The following USP10 variants were observed in gnomAD, a reference collection of about 807,000 sequenced individuals.
USP10 encodes the protein ubiquitin carboxyl-terminal hydrolase 10.
A neutral mutation model predicts 84.5 loss-of-function variants in USP10; 22 were observed. That is an observed-to-expected ratio of 0.26 (90% CI 0.19 to 0.37). USP10 has a LOEUF of 0.37. Ranked by LOEUF, USP10 falls within the 10% of genes least tolerant of loss-of-function variation. The probability of loss-of-function intolerance (pLI) is 1.00; values close to 1 mark genes in which losing one functional copy is unlikely to be tolerated. For missense variants in USP10, 1,019 were observed against 998.9 expected, an observed-to-expected ratio of 1.02 and a Z score of -0.27; for synonymous variants, 454 against 387.6, an observed-to-expected ratio of 1.17 and a Z score of -2.01.
intron 4 of USP10, among the ~76,000 whole-genome samples, chr16:84,755,222 C>G (rs1912393479): frequency 6.6e-6 from 1 of 151,624 alleles, no homozygotes; most frequent in Non-Finnish European, 1.5e-5. Flanking sequence ...TGAACATGTT[C>G]AAGCCCCGTC....
chr16:84,717,142 T>C (rs1907136422), intron 1 of USP10, among the ~76,000 whole-genome samples: 2 of 152,206 alleles, frequency 1.3e-5, no homozygotes, highest in African/African-American at 4.8e-5. Flanking sequence ...CCTAGGCTGC[T>C]GGCCTGGTGA....
chr16:84,752,172 C>A (rs1912007828), intron 4 of USP10, among the ~76,000 whole-genome samples: 1 of 152,194 alleles, frequency 6.6e-6, no homozygotes, highest in Non-Finnish European at 1.5e-5. Flanking sequence ...ATGAGTCATT[C>A]TGGCATTTTG....
Position 84,768,255 on chromosome 16 carries a change from A to C in USP10, c.1895A>C (p.Gln632Pro). The C allele has an allele frequency of 5.0e-6, 8 of 1,605,286 alleles. No homozygotes were observed. Among genetic ancestry groups the C allele is most frequent in the Non-Finnish European group, 6.8e-6 (8 of 1,175,400 alleles). ...ACTTTGCAGCCATTTTTCACGTTGC[A>C]GTTGGATATCCAGTCAGACAAGATA... ...SATLQPFFTLQLDIQSDKIRT... is the reference protein window; with the variant it reads ...SATLQPFFTLPLDIQSDKIRT... The change falls in exon 11 of 14, where the codon CAG (glutamine) becomes CCG (proline). Residue 632 changes from glutamine (Q) to proline (P), a missense_variant. By Grantham distance (76) the Gln-to-Pro change is moderately conservative. This residue lies in a region of USP10 where 232 missense variants were observed against 290.1 expected (regional missense o/e 0.80). Coordinates refer to ENST00000219473, the MANE Select transcript of USP10 (RefSeq NM_005153.3).
chr16:84,704,988 C>T lies in USP10; in HGVS notation c.21+4877C>T, dbSNP rs937264199. Reference sequence around the variant, plus strand: ...GGAGTGCGGGCCCAGCACCTGCTACCGTCTGCGCTGTAATGGTGGCTGCTC... The same window carrying T: ...GGAGTGCGGGCCCAGCACCTGCTACTGTCTGCGCTGTAATGGTGGCTGCTC... On this transcript the variant is annotated intron_variant, in intron 1 of 13. Coordinates refer to ENST00000219473, the MANE Select transcript of USP10 (RefSeq NM_005153.3). The T allele has an allele frequency of 4.3e-5, 58 of 1,342,814 alleles. 1 individual carries two copies. The African/African-American group carries it at 6.1e-4, about 14-fold the overall frequency. The allele number at this position is 1,342,814 out of a possible 1,614,324, so 83.2% of individuals were successfully genotyped here. A position where few individuals can be genotyped will look rare whatever the true frequency, so the allele number is the denominator to read the frequency against.
At chr16:84,748,984 A>G (rs1911581315) in intron 4 of USP10, among the ~76,000 whole-genome samples, 1 of 152,220 alleles carries the variant, frequency 6.6e-6, no homozygotes, top group Admixed American at 6.5e-5. Flanking sequence ...TTTTCTGAGC[A>G]AAAGTGTAGT....
chr16:84,757,402 G>GGGTGTGTGTGTGTGT lies in USP10; in HGVS notation c.1193-1313_1193-1312insGTGTGTGTGTGTGTG, dbSNP rs1912701298. 3.6e-5 allele frequency among the ~76,000 whole-genome samples: 3 copies of GGGTGTGTGTGTGTGT among 82,810 alleles called. No individual in the cohort carries two copies. The East Asian group carries it at 8.1e-4, about 22-fold the overall frequency. 54.3% of individuals were successfully genotyped at this position (82,810 alleles called of 152,430 possible). A position where few individuals can be genotyped will look rare whatever the true frequency, so the allele number is the denominator to read the frequency against. On this transcript the variant is annotated intron_variant, in intron 4 of 13. Coordinates refer to ENST00000219473, the MANE Select transcript of USP10 (RefSeq NM_005153.3). ...GGAAGGAGGGAATGAGAGGGGTGGGGGTGTGTGTGTGTGTGTGTGTGTGTG... is the reference window on the plus strand; with the variant it reads ...GGAAGGAGGGAATGAGAGGGGTGGGGGGTGTGTGTGTGTGTGTGTGTGTGTGTGTGTGTGTGTGTG...
chr16:84,771,539 T>A (rs1449202330), intron 11 of USP10, among the ~76,000 whole-genome samples: 2 of 152,138 alleles, frequency 1.3e-5, no homozygotes, highest in Non-Finnish European at 2.9e-5. Context: ...CCTACTGGTA[T>A]CAGTTTTATC....
At chr16:84,757,402 G>GGTGTGTGTGTGTGTGT (rs58812391) in intron 4 of USP10, among the ~76,000 whole-genome samples, 1 of 82,810 alleles carries the variant, frequency 1.2e-5, no homozygotes, top group African/African-American at 5.4e-5. Flanking sequence ...GAGGGGTGGG[G>GGTGTGTGTGTGTGTGT]GTGTGTGTGT....
At chr16:84,722,570 T>G (rs1349663889) in intron 1 of USP10, among the ~76,000 whole-genome samples, 1 of 152,162 alleles carries the variant, frequency 6.6e-6, no homozygotes, top group African/African-American at 2.4e-5. Context: ...ATTGTCAGTC[T>G]TCTTTTTTTG....
intron 4 of USP10, among the ~76,000 whole-genome samples, chr16:84,753,068 G>T (rs1431939826): frequency 6.6e-6 from 1 of 152,130 alleles, no homozygotes; most frequent in Non-Finnish European, 1.5e-5. Flanking sequence ...TCAGGCGCAG[G>T]TGGTCTTCCT....
intron 3 of USP10, among the ~76,000 whole-genome samples, chr16:84,741,946 G>A (rs961316886): frequency 5.9e-5 from 9 of 152,162 alleles, no homozygotes; most frequent in Admixed American, 2.0e-4. Context: ...ACATTTGTTG[G>A]ATGAATGGTT....
intron 1 of USP10, among the ~76,000 whole-genome samples, chr16:84,703,883 A>C (rs77730335): frequency 2.3e-4 from 35 of 152,346 alleles, no homozygotes; most frequent in African/African-American, 7.7e-4. Context: ...ATTCCAGTGA[A>C]TACTAAGCGG....
chr16:84,717,618 G>A (rs8056190), intron 1 of USP10, among the ~76,000 whole-genome samples: 106,320 of 152,048 alleles, frequency 0.7, 38,623 homozygotes, highest in East Asian at 0.95. Context: ...TACTAGGTAG[G>A]TAGGAGGAGG....
At chr16:84,738,041 T>C (rs549955287) in intron 2 of USP10, among the ~76,000 whole-genome samples, 3 of 152,290 alleles carry the variant, frequency 2.0e-5, no homozygotes, top group Admixed American at 2.0e-4. Flanking sequence ...CGTGGTTGAA[T>C]GTTGAGGAAG....
chr16:84,712,579 G>C (rs1168890283), intron 1 of USP10, among the ~76,000 whole-genome samples: 1 of 152,180 alleles, frequency 6.6e-6, no homozygotes, highest in African/African-American at 2.4e-5. Context: ...AATAGTTCTA[G>C]GCATGAAGTT....
At chr16:84,745,919 A>G (rs1749447298) in intron 4 of USP10, among the ~76,000 whole-genome samples, 1 of 152,214 alleles carries the variant, frequency 6.6e-6, no homozygotes, top group African/African-American at 2.4e-5. Flanking sequence ...TTTTCTGTTG[A>G]CAAGTTACAT....
intron 10 of USP10, among the ~76,000 whole-genome samples, chr16:84,766,018 C>A (rs1167843184): frequency 6.6e-6 from 1 of 152,158 alleles, no homozygotes; most frequent in East Asian, 1.9e-4. Flanking sequence ...GCGGCATAAC[C>A]CCCAGGCTGG....
chr16:84,733,323 T>A, intron 1 of USP10, 112 bp from the exon 2 acceptor site: 1 of 794,600 alleles, frequency 1.3e-6, no homozygotes. Flanking sequence ...GAAAGGATCT[T>A]GGGGGTTATG....
At chr16:84,774,692 G>C (rs112993664) in intron 12 of USP10, among the ~76,000 whole-genome samples, 2 of 152,122 alleles carry the variant, frequency 1.3e-5, no homozygotes, top group South Asian at 2.1e-4. Context: ...GGATGGTCTC[G>C]ATCTCCTGAC....
Sources: allele counts gnomAD v4.1 joint callset (sites outside exome capture counted in the v4.1 genomes callset), GRCh38; gene constraint gnomAD v4.1.1; regional missense constraint gnomAD v4.1.1; transcripts MANE v1.5; gene names NCBI Gene and HGNC (gene_info 2026-07-23, HGNC 2026-07-21).